FAM227B: variants seen among roughly 807,000 people sequenced by gnomAD.
The protein encoded by FAM227B is protein FAM227B.
In FAM227B, 88 loss-of-function variants were observed where a neutral mutation model predicts 73.8. The ratio of observed to expected loss-of-function variants is 1.19; its 90% CI spans 1.00 to 1.42. The LOEUF is 1.42. Ranked by LOEUF, FAM227B falls within the 40% of genes most tolerant of loss-of-function variation. FAM227B has a pLI of 0.00. For missense variants in FAM227B, 632 were observed against 590.9 expected (o/e 1.07, Z -0.72); for synonymous variants, 210 against 190.5 (o/e 1.10, Z -0.84).
At chr15:49,496,667 C>T (rs2152074800) in intron 11 of FAM227B, among the ~76,000 whole-genome samples, 1 of 152,158 alleles carries the variant, frequency 6.6e-6, no homozygotes, top group East Asian at 1.9e-4. Context: ...ACAGAAAGTC[C>T]TCTTTGTAAA....
At chr15:49,613,433 G>T (rs147171626) in intron 2 of FAM227B, among the ~76,000 whole-genome samples, 15 of 152,182 alleles carry the variant, frequency 9.9e-5, no homozygotes, top group African/African-American at 3.6e-4. Context: ...CCCCAGAGGC[G>T]GAGGTTGCGG....
chr15:49,339,863 G>C (rs1333954198), intron 13 of FAM227B, among the ~76,000 whole-genome samples: 1 of 152,146 alleles, frequency 6.6e-6, no homozygotes, highest in African/African-American at 2.4e-5. Flanking sequence ...CGGCCTTGCT[G>C]AGCTGCGGTG....
chr15:49,459,691 A>T (rs2053620880), intron 11 of FAM227B, among the ~76,000 whole-genome samples: 2 of 152,176 alleles, frequency 1.3e-5, no homozygotes, highest in Admixed American at 6.6e-5. Context: ...GCTTTCAAAA[A>T]TGACTGTACA....
At chr15:49,451,300 G>A (rs895389586) in intron 11 of FAM227B, among the ~76,000 whole-genome samples, 19 of 151,872 alleles carry the variant, frequency 1.3e-4, no homozygotes, top group African/African-American at 4.4e-4. Context: ...TGTGAGAGAA[G>A]AAATTATAAA....
At chr15:49,345,026 T>C (rs923113465) in intron 13 of FAM227B, among the ~76,000 whole-genome samples, 4 of 152,218 alleles carry the variant, frequency 2.6e-5, no homozygotes, top group Non-Finnish European at 5.9e-5. Flanking sequence ...TATTACCTGC[T>C]ACTATTTAAT....
chr15:49,424,039 A>T, intron 11 of FAM227B: 1 of 358,756 alleles, frequency 2.8e-6, no homozygotes, highest in Non-Finnish European at 5.0e-6. Context: ...CAGAAGTCAA[A>T]TAGCAAACAG....
intron 11 of FAM227B, among the ~76,000 whole-genome samples, chr15:49,407,832 T>C (rs755694771): frequency 2.0e-5 from 3 of 151,996 alleles, no homozygotes; most frequent in Non-Finnish European, 4.4e-5. Context: ...AATCCTTTCA[T>C]GCCCGGTTGT....
intron 11 of FAM227B, among the ~76,000 whole-genome samples, chr15:49,446,224 A>C (rs2052198972): frequency 6.6e-6 from 1 of 151,600 alleles, no homozygotes; most frequent in Admixed American, 6.6e-5. Flanking sequence ...AGAGCCACTC[A>C]TCTTAGAAAA....
intron 11 of FAM227B, among the ~76,000 whole-genome samples, chr15:49,409,901 T>C (rs1185591998): frequency 6.6e-6 from 1 of 152,162 alleles, no homozygotes; most frequent in African/African-American, 2.4e-5. Flanking sequence ...ATATATAAAA[T>C]AGAGATATAT....
chr15:49,456,863 GAA>G (rs995514392), intron 11 of FAM227B, among the ~76,000 whole-genome samples: 4 of 152,036 alleles, frequency 2.6e-5, no homozygotes, highest in African/African-American at 9.7e-5. Flanking sequence ...AATAAGACCA[GAA>G]AAAGACAGGC....
chr15:49,588,031 C>A lies in FAM227B; in HGVS notation c.390G>T (p.Lys130Asn). ...GATACCATACCATTATCTTTTTTTT[C>A]TTATGGTACTTCTTTAGAAATTCCC... is the stretch of plus-strand genomic sequence containing the variant. ...RYGEFLKKYHKKKKIMLSDEM... is the reference protein window; with the variant it reads ...RYGEFLKKYHNKKKIMLSDEM... Residue 130 changes from lysine (K) to asparagine (N), a missense_variant, in exon 5 of 16, where the codon AAG becomes AAT. Coordinates refer to ENST00000299338, the MANE Select transcript of FAM227B (RefSeq NM_152647.3). 6.9e-7 allele frequency: 1 copy of A among 1,444,528 alleles called. No individual in the cohort carries two copies. The highest frequency in any genetic ancestry group is 1.4e-5 in the South Asian group (1 of 70,088). 89.5% of individuals were successfully genotyped at this position (1,444,528 alleles called of 1,614,324 possible).
At chr15:49,398,660 AGT>A in intron 11 of FAM227B, among the ~76,000 whole-genome samples, 2 of 16,676 alleles carry the variant, frequency 1.2e-4, no homozygotes, top group Admixed American at 5.1e-4. Flanking sequence ...CTCAGACCAC[AGT>A]GCAATCAAAC....
chr15:49,345,995 A>G (rs2041428371), intron 13 of FAM227B, among the ~76,000 whole-genome samples: 1 of 151,688 alleles, frequency 6.6e-6, no homozygotes, highest in Non-Finnish European at 1.5e-5. Flanking sequence ...TGAAACCAAG[A>G]GGTTAATTTG....
chr15:49,412,567 G>A (rs2048942001), intron 11 of FAM227B, among the ~76,000 whole-genome samples: 1 of 151,594 alleles, frequency 6.6e-6, no homozygotes, highest in Non-Finnish European at 1.5e-5. Context: ...TTGTTTTTTG[G>A]CAACTTTGAA....
intron 10 of FAM227B, among the ~76,000 whole-genome samples, chr15:49,522,304 C>T (rs1030122283): frequency 2.0e-5 from 3 of 152,136 alleles, no homozygotes; most frequent in Non-Finnish European, 4.4e-5. Flanking sequence ...GAAGTCCCAT[C>T]TAAATGATAG....
At chr15:49,610,959 C>A (rs531169068) in intron 3 of FAM227B, among the ~76,000 whole-genome samples, 30 of 151,940 alleles carry the variant, frequency 2.0e-4, no homozygotes, top group Admixed American at 5.2e-4. Context: ...AAAAATCTTA[C>A]AATAACAAAA....
Position 49,589,940 on chromosome 15 carries a change from T to C in FAM227B, c.173A>G (p.Lys58Arg), listed in dbSNP as rs765842446. 1.9e-6 allele frequency: 3 copies of C among 1,608,634 alleles called. No homozygotes were observed. The highest frequency in any genetic ancestry group is 2.2e-5 in the East Asian group (1 of 44,788). ...DKWSCTLKKI[K>R]EDSSFVSIYT... ...AATTGAAACAAATGAACTATCTTCTTTTATTTTTTTCAGAGTGCATGACCA... is the reference window on the plus strand; with the variant it reads ...AATTGAAACAAATGAACTATCTTCTCTTATTTTTTTCAGAGTGCATGACCA... The change falls in exon 4 of 16, where the codon AAA (lysine) becomes AGA (arginine). Residue 58 changes from lysine (K) to arginine (R), a missense_variant. Transcript: ENST00000299338.
intron 9 of FAM227B, 101 bp downstream of exon 9, chr15:49,568,144 G>GT: frequency 9.2e-7 from 1 of 1,091,296 alleles, no homozygotes; most frequent in South Asian, 1.5e-5. Context: ...GCTTTCAAAA[G>GT]TAACAAAATA....
In FAM227B at chr15:49,378,415, T is replaced by C. The variant is rs149528945; in HGVS notation, c.1013-7016A>G. 1.8e-3 allele frequency among the ~76,000 whole-genome samples: 273 copies of C among 152,262 alleles called. 1 individual carries two copies. Among genetic ancestry groups the C allele is most frequent in the African/African-American group, 6.1e-3 (254 of 41,548 alleles). On this transcript the variant is annotated intron_variant, in intron 11 of 15. Coordinates refer to ENST00000299338, the MANE Select transcript of FAM227B (RefSeq NM_152647.3). ...GTTAGTATGAACATGTTAACAATAT[T>C]GATTATTCCAATCTGTGAACATTGA...
Sources: gnomAD v4.1 joint callset for allele counts (sites outside exome capture counted in the v4.1 genomes callset) on GRCh38, gnomAD v4.1.1 for gene constraint, MANE v1.5 for transcripts, NCBI Gene and HGNC (gene_info 2026-07-23, HGNC 2026-07-21) for gene names.